Variants in OR52N4 observed in about 807,000 individuals in gnomAD.
The protein encoded by OR52N4 is olfactory receptor family 52 subfamily N member 4, also known as olfactory receptor 52N4.
A neutral mutation model predicts 15.0 loss-of-function variants in OR52N4; 15 were observed. That is an observed-to-expected ratio of 1.00 (90% CI 0.67 to 1.54). OR52N4 has a LOEUF of 1.54. Ranked by LOEUF, OR52N4 falls within the 40% of genes most tolerant of loss-of-function variation. The pLI, the probability that OR52N4 is intolerant of heterozygous loss-of-function variation, is 0.00. For synonymous variants in OR52N4, 143 were observed against 143.7 expected (o/e 1.00, Z 0.03); for missense variants, 421 against 394.0 (o/e 1.07, Z -0.58).
chr11:5,736,265 A>T, the OR52N4 span: 4 of 475,820 alleles, frequency 8.4e-6, no homozygotes, highest in Admixed American at 1.0e-4. Flanking sequence ...ACTTGAAATG[A>T]TGTAGCTATA....
the OR52N4 span, among the ~76,000 whole-genome samples, chr11:5,727,910 A>G: frequency 1.3e-5 from 2 of 152,198 alleles, no homozygotes; most frequent in Non-Finnish European, 2.9e-5. Flanking sequence ...GCCGCAAAAA[A>G]TTTATCATGC....
At chr11:5,752,940 T>C (rs1056281077), upstream of OR52N4, among the ~76,000 whole-genome samples, 3 of 152,206 alleles carry the variant, frequency 2.0e-5, no homozygotes, top group Non-Finnish European at 2.9e-5. Context: ...TTAACACATA[T>C]TGTGAGATTC....
upstream of OR52N4, among the ~76,000 whole-genome samples, chr11:5,753,010 G>T (rs1590343845): frequency 6.6e-6 from 1 of 152,116 alleles, no homozygotes. Flanking sequence ...GTATTTCATT[G>T]TGGGAATGTA....
the OR52N4 span, among the ~76,000 whole-genome samples, chr11:5,742,637 T>C: frequency 2.1e-4 from 32 of 152,298 alleles, no homozygotes; most frequent in East Asian, 2.3e-3. Context: ...TTCTGCTAAA[T>C]TGAGCTTTGT....
chr11:5,728,506 T>G, the OR52N4 span, among the ~76,000 whole-genome samples: 2 of 152,208 alleles, frequency 1.3e-5, no homozygotes, highest in Admixed American at 1.3e-4. Context: ...ATCAAACACA[T>G]TCTCTTAACA....
chr11:5,744,774 A>C, the OR52N4 span, among the ~76,000 whole-genome samples: 2 of 152,036 alleles, frequency 1.3e-5, no homozygotes, highest in Non-Finnish European at 2.9e-5. Context: ...TTAGCTGGGC[A>C]TGGTGGCGCA....
chr11:5,747,667 C>A, the OR52N4 span, among the ~76,000 whole-genome samples: 1 of 151,894 alleles, frequency 6.6e-6, no homozygotes, highest in Non-Finnish European at 1.5e-5. Flanking sequence ...AGCCTATACC[C>A]CAGTCATAGA....
the OR52N4 span, chr11:5,727,603 T>A: frequency 6.6e-6 from 1 of 152,172 alleles, no homozygotes; most frequent in East Asian, 1.9e-4. Context: ...CCAAGAATGA[T>A]AAATCACAGA....
At chr11:5,752,203 A>T (rs1254165855), upstream of OR52N4, among the ~76,000 whole-genome samples, 1 of 152,166 alleles carries the variant, frequency 6.6e-6, no homozygotes, top group Non-Finnish European at 1.5e-5. Context: ...TAGGTTAGAC[A>T]CACAGGTGCT....
the OR52N4 span, among the ~76,000 whole-genome samples, chr11:5,730,524 T>C: frequency 1.3e-5 from 2 of 152,106 alleles, no homozygotes; most frequent in African/African-American, 4.8e-5. Flanking sequence ...CTACCTTAAA[T>C]TGTGTTATAT....
chr11:5,752,447 A>G (rs763959763), upstream of OR52N4, among the ~76,000 whole-genome samples: 5 of 152,184 alleles, frequency 3.3e-5, no homozygotes, highest in Non-Finnish European at 7.3e-5. Flanking sequence ...GGTTAGGATG[A>G]ATACCTCCTC....
At position 5,755,518 on chromosome 11, in the gene OR52N4, T is replaced by C. The variant is rs1490307281; in HGVS notation, c.778T>C (p.Ser260Pro). The C allele has an allele frequency of 1.2e-6, 2 of 1,613,724 alleles. No individual in the cohort carries two copies. The highest frequency in any genetic ancestry group is 8.5e-7 in the Non-Finnish European group (1 of 1,179,766). ...IVFSYTPAFFSFFSHRFGEHI... is the reference protein window; with the variant it reads ...IVFSYTPAFFPFFSHRFGEHI... The stretch of plus-strand genomic sequence containing the variant: ...TTTCTCCTATACTCCAGCTTTCTTC[T>C]CCTTCTTTTCCCACCGCTTTGGGGA... Residue 260 changes from serine (S) to proline (P), a missense_variant, in exon 2 of 2, where the codon TCC becomes CCC. Physicochemically the swap from Ser to Pro is moderately conservative, Grantham distance 74. Coordinates refer to ENST00000641350, the MANE Select transcript of OR52N4 (RefSeq NM_001005175.5).
At chr11:5,729,113 G>GTTTTTT in the OR52N4 span, among the ~76,000 whole-genome samples, 1 of 50,266 alleles carries the variant, frequency 2.0e-5, no homozygotes, top group Admixed American at 2.6e-4. Context: ...CTTAAATTGA[G>GTTTTTT]ATTTTTTTTT....
the OR52N4 span, chr11:5,726,618 C>T: frequency 6.6e-6 from 1 of 152,246 alleles, no homozygotes; most frequent in Admixed American, 6.5e-5. Context: ...TTAGGCACAG[C>T]CACAATTGTG....
chr11:5,747,923 T>A, the OR52N4 span, among the ~76,000 whole-genome samples: 8 of 152,128 alleles, frequency 5.3e-5, no homozygotes, highest in Non-Finnish European at 1.2e-4. Context: ...CACATAACTA[T>A]TGTCATGAAT....
the OR52N4 span, chr11:5,736,112 C>T: frequency 4.6e-5 from 8 of 174,284 alleles, no homozygotes; most frequent in Non-Finnish European, 8.7e-5. Flanking sequence ...TCTTTTGCAA[C>T]CTCCTCAGAA....
chr11:5,747,597 A>G, the OR52N4 span, among the ~76,000 whole-genome samples: 4 of 151,914 alleles, frequency 2.6e-5, no homozygotes, highest in South Asian at 8.3e-4. Flanking sequence ...AACAATTAAA[A>G]AAGGAACACA....
the OR52N4 span, among the ~76,000 whole-genome samples, chr11:5,748,119 T>G: frequency 7.6e-3 from 1,151 of 152,008 alleles, 15 homozygotes; most frequent in African/African-American, 0.026. Context: ...CTATAGTAAT[T>G]CTGTTTTGAA....
Position 5,755,558 on chromosome 11 carries a change from C to T in OR52N4, c.818C>T (p.Pro273Leu). 3 of 1,613,926 alleles carry T rather than the reference C, an allele frequency of 1.9e-6. No individual in the cohort carries two copies. The highest frequency in any genetic ancestry group is 2.5e-6 in the Non-Finnish European group (3 of 1,179,840). Residue 273 changes from proline to leucine, a missense_variant, in exon 2 of 2, where the codon CCT becomes CTT. Coordinates refer to ENST00000641350, the MANE Select transcript of OR52N4 (RefSeq NM_001005175.5). ...CGCTTTGGGGAACACATAATCCCCC[C>T]TTCTTGCCACATCATTGTAGCCAAT... is the stretch of plus-strand genomic sequence containing the variant. ...SHRFGEHIIP[P>L]SCHIIVANIY... is the part of the protein sequence containing the mutation.
Sources: gnomAD v4.1 joint callset for allele counts (sites outside exome capture counted in the v4.1 genomes callset) on GRCh38, gnomAD v4.1.1 for gene constraint, MANE v1.5 for transcripts, NCBI Gene and HGNC (gene_info 2026-07-23, HGNC 2026-07-21) for gene names.